PAK5: variants seen among roughly 807,000 people sequenced by gnomAD.
The protein encoded by PAK5 is p21 (RAC1) activated kinase 5, also known as serine/threonine-protein kinase PAK 5.
PAK5 carries 16 observed loss-of-function variants against 65.9 expected under a neutral mutation model. The ratio of observed to expected loss-of-function variants is 0.24; its 90% CI spans 0.16 to 0.37. The LOEUF is 0.37. Ranked by LOEUF, PAK5 falls within the 10% of genes least tolerant of loss-of-function variation. The probability of loss-of-function intolerance (pLI) is 1.00; values close to 1 mark genes in which losing one functional copy is unlikely to be tolerated. For synonymous variants in PAK5, 371 were observed against 354.9 expected (o/e 1.05, Z -0.51); for missense variants, 785 against 903.9 (o/e 0.87, Z 1.69).
chr20:9,827,045 AT>A (rs33972785), intron 1 of PAK5, among the ~76,000 whole-genome samples: 88,622 of 151,898 alleles, frequency 0.58, 26,363 homozygotes, highest in African/African-American at 0.67. Flanking sequence ...CAATATTGGA[AT>A]TTTTTTTCTT....
intron 2 of PAK5, among the ~76,000 whole-genome samples, chr20:9,690,750 C>CTTTTTTTTTTTTTTTTTT (rs112955560): frequency 9.6e-6 from 1 of 103,978 alleles, no homozygotes; most frequent in Non-Finnish European, 1.9e-5. Context: ...TTCTTTCTTT[C>CTTTTTTTTTTTTTTTTTT]TTTTTTTTTT....
At chr20:9,820,417 T>C (rs1312646782) in intron 1 of PAK5, among the ~76,000 whole-genome samples, 2 of 152,184 alleles carry the variant, frequency 1.3e-5, no homozygotes, top group African/African-American at 4.8e-5. Flanking sequence ...ACTCACTGTG[T>C]CCATTCATTG....
intron 3 of PAK5, among the ~76,000 whole-genome samples, chr20:9,587,766 A>T (rs1324766163): frequency 6.6e-6 from 1 of 152,144 alleles, no homozygotes; most frequent in Non-Finnish European, 1.5e-5. Context: ...AATGGGGTTA[A>T]TGCATTTTCT....
chr20:9,652,363 T>G (rs1280522857), intron 2 of PAK5, among the ~76,000 whole-genome samples: 1 of 152,190 alleles, frequency 6.6e-6, no homozygotes, highest in Non-Finnish European at 1.5e-5. Flanking sequence ...AGATTACATA[T>G]TTGGGATCCA....
At chr20:9,672,414 C>T (rs143094250) in intron 2 of PAK5, among the ~76,000 whole-genome samples, 75 of 150,430 alleles carry the variant, frequency 5.0e-4, no homozygotes, top group African/African-American at 1.7e-3. Flanking sequence ...TAATTCCCAC[C>T]TATCATGGGA....
chr20:9,683,280 T>C (rs1298203097), intron 2 of PAK5, among the ~76,000 whole-genome samples: 2 of 152,372 alleles, frequency 1.3e-5, no homozygotes, highest in Admixed American at 6.5e-5. Flanking sequence ...TATTTCTACA[T>C]AGAGTGAGAC....
intron 2 of PAK5, among the ~76,000 whole-genome samples, chr20:9,695,079 C>T (rs1355488013): frequency 6.6e-6 from 1 of 151,988 alleles, no homozygotes; most frequent in African/African-American, 2.4e-5. Flanking sequence ...GATTGTCATT[C>T]TGGTGGGTGT....
At chr20:9,641,223 C>T (rs1431984115) in intron 3 of PAK5, among the ~76,000 whole-genome samples, 1 of 151,764 alleles carries the variant, frequency 6.6e-6, no homozygotes, top group Non-Finnish European at 1.5e-5. Context: ...CACCCACAAA[C>T]CTTGAGCTAA....
chr20:9,647,279 C>A (rs1176851110), intron 2 of PAK5, among the ~76,000 whole-genome samples: 2 of 152,204 alleles, frequency 1.3e-5, no homozygotes, highest in Non-Finnish European at 2.9e-5. Flanking sequence ...GCTCTATACA[C>A]CATCTCTCTA....
Position 9,584,546 on chromosome 20 carries a change from C to T in PAK5, c.205-3616G>A, listed in dbSNP as rs552328544. Among the ~76,000 whole-genome samples, 58 of 152,194 alleles carry T rather than the reference C, an allele frequency of 3.8e-4. 1 individual carries two copies. In the East Asian group the frequency reaches 5.2e-3, roughly 14 times the overall value. The stretch of plus-strand genomic sequence containing the variant: ...CAGGCTGGTCTCAAACTCCTGACCT[C>T]GTGATCCACCCGCCTTGGCCTCCCA... On this transcript the variant is annotated intron_variant, in intron 3 of 9. Coordinates refer to ENST00000353224, the MANE Select transcript of PAK5 (RefSeq NM_177990.4).
rs917131820 is a variant in PAK5 at position 9,542,774 on chromosome 20, C to T, written c.1870-54G>A. 9 of 1,536,330 alleles carry T rather than the reference C, an allele frequency of 5.9e-6. No individual in the cohort carries two copies. In the African/African-American group the frequency reaches 1.2e-4, roughly 21 times the overall value. On this transcript the variant is annotated intron_variant, in intron 8 of 9. Transcript: ENST00000353224. ...AGGCAAGGAGAACATTCTGAAATGT[C>T]AAGTGTGTCCACAGAACCTCATACT...
chr20:9,826,607 A>C (rs1470694291), intron 1 of PAK5, among the ~76,000 whole-genome samples: 1 of 152,194 alleles, frequency 6.6e-6, no homozygotes, highest in Non-Finnish European at 1.5e-5. Flanking sequence ...TGCCGCAAAT[A>C]TATCTGACTA....
intron 1 of PAK5, among the ~76,000 whole-genome samples, chr20:9,793,571 GA>G (rs372828384): frequency 0.012 from 1,844 of 150,224 alleles, 47 homozygotes; most frequent in African/African-American, 0.042. Context: ...ATAAACATAT[GA>G]AAAAAAAACT....
intron 1 of PAK5, among the ~76,000 whole-genome samples, chr20:9,812,885 A>G (rs2049314218): frequency 6.6e-6 from 1 of 152,174 alleles, no homozygotes; most frequent in Non-Finnish European, 1.5e-5. Flanking sequence ...CTGATTTGAT[A>G]TTACACATTG....
intron 1 of PAK5, among the ~76,000 whole-genome samples, chr20:9,727,944 G>A (rs2048294480): frequency 1.3e-5 from 2 of 152,074 alleles, no homozygotes; most frequent in Non-Finnish European, 2.9e-5. Flanking sequence ...TCTTCAAGGA[G>A]ACTCATTTTC....
chr20:9,698,425 T>C (rs1444712037), intron 2 of PAK5, among the ~76,000 whole-genome samples: 1 of 152,190 alleles, frequency 6.6e-6, no homozygotes, highest in East Asian at 1.9e-4. Context: ...TCCCCATGAA[T>C]GCATGATCTT....
intron 1 of PAK5, among the ~76,000 whole-genome samples, chr20:9,720,950 A>T (rs923893556): frequency 6.6e-6 from 1 of 152,116 alleles, no homozygotes; most frequent in African/African-American, 2.4e-5. Flanking sequence ...ACTTGGGAAC[A>T]GGAAAATGAG....
intron 2 of PAK5, among the ~76,000 whole-genome samples, chr20:9,690,027 C>T (rs976031323): frequency 2.6e-5 from 4 of 152,180 alleles, no homozygotes; most frequent in African/African-American, 7.2e-5. Flanking sequence ...AAACATACAC[C>T]TCTCCATCCT....
chr20:9,683,560 T>C (rs960438450), intron 2 of PAK5, among the ~76,000 whole-genome samples: 9 of 152,224 alleles, frequency 5.9e-5, no homozygotes, highest in Admixed American at 3.9e-4. Context: ...GTCTGAGATA[T>C]AAAGTTGTGA....
Sources: allele counts gnomAD v4.1 joint callset (sites outside exome capture counted in the v4.1 genomes callset), GRCh38; gene constraint gnomAD v4.1.1; transcripts MANE v1.5; gene names NCBI Gene and HGNC (gene_info 2026-07-23, HGNC 2026-07-21).